The following BRINP2 variants were observed in gnomAD, a reference collection of about 807,000 sequenced individuals.
BRINP2 encodes BMP/retinoic acid-inducible neural-specific protein 2.
BRINP2 carries 21 observed loss-of-function variants against 69.2 expected under a neutral mutation model. That is an observed-to-expected ratio of 0.30 (90% confidence interval 0.22 to 0.44). BRINP2 has a LOEUF of 0.44. BRINP2 is among the 20% of genes least tolerant of loss of function. The probability of loss-of-function intolerance (pLI) is 1.00; values close to 1 mark genes in which losing one functional copy is unlikely to be tolerated. For synonymous variants in BRINP2, 380 were observed against 394.1 expected, an observed-to-expected ratio of 0.96 and a Z score of 0.42; for missense variants, 877 against 986.0, an observed-to-expected ratio of 0.89 and a Z score of 1.48.
intron 1 of BRINP2, among the ~76,000 whole-genome samples, chr1:177,228,487 A>C (rs1382434994): frequency 6.6e-6 from 1 of 152,176 alleles, no homozygotes; most frequent in African/African-American, 2.4e-5. Flanking sequence ...GGGGGCATAA[A>C]TCAAGTACTG....
intron 2 of BRINP2, among the ~76,000 whole-genome samples, chr1:177,237,524 G>C (rs925073536): frequency 3.3e-5 from 5 of 152,188 alleles, no homozygotes; most frequent in Non-Finnish European, 5.9e-5. Flanking sequence ...CCATGTCTTT[G>C]GGGGCTATAC....
At chr1:177,218,817 C>T (rs1460049700) in intron 1 of BRINP2, among the ~76,000 whole-genome samples, 1 of 152,176 alleles carries the variant, frequency 6.6e-6, no homozygotes, top group Non-Finnish European at 1.5e-5. Context: ...ACACAGGTGA[C>T]TCAGGCTTAT....
intron 4 of BRINP2, among the ~76,000 whole-genome samples, chr1:177,268,547 T>C (rs1049750099): frequency 1.3e-5 from 2 of 152,240 alleles, no homozygotes; most frequent in South Asian, 2.1e-4. Context: ...CATGGACATA[T>C]GCACCTTTTT....
intron 1 of BRINP2, among the ~76,000 whole-genome samples, chr1:177,208,229 G>A (rs1335436398): frequency 6.6e-6 from 1 of 152,150 alleles, no homozygotes; most frequent in African/African-American, 2.4e-5. Context: ...CTAGCCACAG[G>A]TACTAAGATG....
intron 1 of BRINP2, among the ~76,000 whole-genome samples, chr1:177,216,384 C>T (rs1182367090): frequency 1.3e-5 from 2 of 152,046 alleles, no homozygotes; most frequent in Admixed American, 6.5e-5. Flanking sequence ...CTCTCCAGTT[C>T]TCCCCCATTC....
At chr1:177,177,327 T>C (rs1648118453) in intron 1 of BRINP2, among the ~76,000 whole-genome samples, 1 of 151,780 alleles carries the variant, frequency 6.6e-6, no homozygotes, top group South Asian at 2.1e-4. Flanking sequence ...ACAACAAAAT[T>C]TGTGGACCTA....
chr1:177,272,428 C>T (rs2102359739), intron 4 of BRINP2, among the ~76,000 whole-genome samples: 1 of 152,362 alleles, frequency 6.6e-6, no homozygotes, highest in Non-Finnish European at 1.5e-5. Context: ...TGAGTACCTA[C>T]TGTGTGCCAG....
chr1:177,275,452 T>G (rs548384596), intron 5 of BRINP2, among the ~76,000 whole-genome samples: 1 of 152,248 alleles, frequency 6.6e-6, no homozygotes, highest in South Asian at 2.1e-4. Context: ...CAGTCCCAGT[T>G]ATATAGTATT....
rs1243453990 is a variant in BRINP2, at chr1:177,281,373, C to G, written c.2197C>G (p.Pro733Ala). The stretch of plus-strand genomic sequence containing the variant: ...GGACCGGGTGAACCAGCTTTCTCCA[C>G]CTGGCAAAGTCCGACTTGACCTTTT... Reference protein sequence around the residue: ...LRDRVNQLSPPGKVRLDLFSC... With the variant: ...LRDRVNQLSPAGKVRLDLFSC... The change falls in exon 8 of 8, where the codon CCT becomes GCT. Residue 733 changes from proline to alanine, a missense_variant. Coordinates refer to ENST00000361539, the MANE Select transcript of BRINP2 (RefSeq NM_021165.4). The G allele has an allele frequency of 1.2e-6, 2 of 1,614,050 alleles. No individual in the cohort carries two copies. The highest frequency in any genetic ancestry group is 4.5e-5 in the East Asian group (2 of 44,876).
chr1:177,263,633 T>A (rs1283519413), intron 4 of BRINP2, among the ~76,000 whole-genome samples: 1 of 152,128 alleles, frequency 6.6e-6, no homozygotes, highest in Non-Finnish European at 1.5e-5. Flanking sequence ...TGCTAAGAAC[T>A]GATCATGAGA....
Position 177,255,886 on chromosome 1 carries a change from C to G in BRINP2, c.270-33C>G, listed in dbSNP as rs74706687. Reference sequence around the variant, plus strand: ...TATGCCTCTTGCTCTGAAACGAGGTCAGCTTTTCCTTATCCCTTGGCTTTT... The same window carrying G: ...TATGCCTCTTGCTCTGAAACGAGGTGAGCTTTTCCTTATCCCTTGGCTTTT... On this transcript the variant is annotated intron_variant, in intron 2 of 7. Coordinates refer to ENST00000361539, the MANE Select transcript of BRINP2 (RefSeq NM_021165.4). 7,565 of 1,602,444 alleles carry G rather than the reference C, an allele frequency of 4.7e-3. 31 individuals are homozygous for G. Among genetic ancestry groups the G allele is most frequent in the Non-Finnish European group, 5.7e-3 (6,677 of 1,173,576 alleles).
At chr1:177,279,383 G>A (rs1038809412) in intron 7 of BRINP2, among the ~76,000 whole-genome samples, 1 of 152,238 alleles carries the variant, frequency 6.6e-6, no homozygotes, top group African/African-American at 2.4e-5. Flanking sequence ...TTATAACTAT[G>A]TGGCAACCAC....
At chr1:177,242,977 C>T (rs1033118991) in intron 2 of BRINP2, among the ~76,000 whole-genome samples, 3 of 152,148 alleles carry the variant, frequency 2.0e-5, no homozygotes, top group Admixed American at 2.0e-4. Flanking sequence ...TATTTTGCAT[C>T]TCTGAGCCTC....
At chr1:177,250,912 C>G (rs937972299) in intron 2 of BRINP2, among the ~76,000 whole-genome samples, 2 of 152,146 alleles carry the variant, frequency 1.3e-5, no homozygotes, top group Admixed American at 6.5e-5. Context: ...ATTTCATCAT[C>G]TATAAAATGA....
chr1:177,252,165 CTG>C (rs1490457207), intron 2 of BRINP2, among the ~76,000 whole-genome samples: 6 of 152,178 alleles, frequency 3.9e-5, no homozygotes, highest in African/African-American at 1.4e-4. Context: ...GACAAATACT[CTG>C]TACTTTAATT....
chr1:177,272,706 A>G (rs376036594), intron 4 of BRINP2, among the ~76,000 whole-genome samples: 6 of 152,158 alleles, frequency 3.9e-5, no homozygotes, highest in Admixed American at 1.3e-4. Flanking sequence ...TGGCTGCTCA[A>G]TAAATACTTG....
chr1:177,232,011 A>T (rs1571918391), intron 2 of BRINP2, among the ~76,000 whole-genome samples: 1 of 152,254 alleles, frequency 6.6e-6, no homozygotes, highest in East Asian at 1.9e-4. Context: ...TCCACTCTAG[A>T]ATGTGCTTAA....
intron 1 of BRINP2, among the ~76,000 whole-genome samples, chr1:177,179,526 A>C (rs1648187337): frequency 6.6e-6 from 1 of 152,076 alleles, no homozygotes; most frequent in African/African-American, 2.4e-5. Context: ...ATATCTCAGA[A>C]GGTGTCCAGT....
intron 1 of BRINP2, among the ~76,000 whole-genome samples, chr1:177,193,929 G>A (rs574460011): frequency 3.3e-5 from 5 of 152,278 alleles, no homozygotes; most frequent in Admixed American, 2.6e-4. Context: ...TTTAGGAGAC[G>A]GACTTGCTCA....
Sources: allele counts gnomAD v4.1 joint callset (sites outside exome capture counted in the v4.1 genomes callset), GRCh38; gene constraint gnomAD v4.1.1; transcripts MANE v1.5; gene names NCBI Gene and HGNC (gene_info 2026-07-23, HGNC 2026-07-21).